The following CDH13 variants were observed in gnomAD, a reference collection of about 807,000 sequenced individuals.
CDH13 encodes cadherin 13.
Under a neutral mutation model 63.8 loss-of-function variants are expected in CDH13, and 24 were observed. The observed-to-expected ratio is 0.38, with a 90% CI of 0.27 to 0.53. The LOEUF (loss-of-function observed/expected upper bound fraction) is 0.53. CDH13 is among the 20% of genes least tolerant of loss of function. The pLI is 0.85. For synonymous variants in CDH13, 503 were observed against 355.3 expected, an observed-to-expected ratio of 1.42 and a Z score of -4.67; for missense variants, 1,049 against 903.1, an observed-to-expected ratio of 1.16 and a Z score of -2.07.
chr16:83,231,104 A>G (rs2039988833), intron 5 of CDH13, among the ~76,000 whole-genome samples: 1 of 152,222 alleles, frequency 6.6e-6, no homozygotes, highest in African/African-American at 2.4e-5. Context: ...GGGAAGACAC[A>G]TGGAAATGAA....
chr16:83,090,984 T>C (rs2033878809), intron 3 of CDH13, among the ~76,000 whole-genome samples: 1 of 152,148 alleles, frequency 6.6e-6, no homozygotes, highest in Admixed American at 6.5e-5. Flanking sequence ...TATATAAACA[T>C]AATATATATG....
intron 2 of CDH13, among the ~76,000 whole-genome samples, chr16:82,959,879 A>T (rs1340114661): frequency 1.3e-5 from 2 of 151,970 alleles, no homozygotes; most frequent in African/African-American, 4.8e-5. Flanking sequence ...TTGTGTACAG[A>T]TTTTTCTTTT....
intron 10 of CDH13, among the ~76,000 whole-genome samples, chr16:83,686,944 C>T (rs1268903933): frequency 6.6e-6 from 1 of 152,142 alleles, no homozygotes; most frequent in Admixed American, 6.5e-5. Context: ...TGCGGTGGCT[C>T]ATGCTTTGTA....
intron 8 of CDH13, among the ~76,000 whole-genome samples, chr16:83,653,180 G>C (rs763633745): frequency 6.6e-6 from 1 of 152,122 alleles, no homozygotes; most frequent in Non-Finnish European, 1.5e-5. Flanking sequence ...TGCTCCTGGG[G>C]GTGGGGCTTC....
intron 5 of CDH13, among the ~76,000 whole-genome samples, chr16:83,272,588 A>G (rs997889386): frequency 1.3e-5 from 2 of 152,022 alleles, no homozygotes; most frequent in Non-Finnish European, 2.9e-5. Context: ...AATTTTTTCC[A>G]CTCCTTACTG....
At position 83,743,748 on chromosome 16, in the gene CDH13, C is replaced by CTTTTTTTT. The variant is rs67886035; in HGVS notation, c.1539-4348_1539-4341dup. Among the ~76,000 whole-genome samples the CTTTTTTTT allele has an allele frequency of 6.2e-4, 47 of 76,258 alleles. 7 individuals are homozygous for CTTTTTTTT. The highest frequency in any genetic ancestry group is 1.0e-3 in the African/African-American group (19 of 18,162). 50.0% of individuals were successfully genotyped at this position (76,258 alleles called of 152,430 possible). ...TGATGAGTTGCCTTTTTTCTTTTTT[C>CTTTTTTTT]TTTTTTTTTTTTTTTTTTTCTTTGC... On this transcript the variant is annotated intron_variant, in intron 10 of 13. Transcript: ENST00000567109.
chr16:83,672,329 A>T (rs1164275537), intron 9 of CDH13, among the ~76,000 whole-genome samples: 1 of 145,004 alleles, frequency 6.9e-6, no homozygotes, highest in Non-Finnish European at 1.5e-5. Flanking sequence ...TCTAGTGAGG[A>T]CCCACTTTTT....
chr16:82,646,715 A>G (rs1910138426), intron 1 of CDH13, among the ~76,000 whole-genome samples: 1 of 152,196 alleles, frequency 6.6e-6, no homozygotes, highest in South Asian at 2.1e-4. Flanking sequence ...GAGAAAACTG[A>G]GTCAGAGGAA....
intron 8 of CDH13, among the ~76,000 whole-genome samples, chr16:83,667,011 ATGGATGGATGGATGGATGGG>A (rs1159187413): frequency 6.3e-5 from 8 of 126,358 alleles, no homozygotes; most frequent in Non-Finnish European, 1.1e-4. Context: ...GGATGGATGG[ATGGATGGATGGATGGATGGG>A]TGGATGGATG....
chr16:83,018,962 T>C (rs1915078833), intron 2 of CDH13, among the ~76,000 whole-genome samples: 2 of 152,086 alleles, frequency 1.3e-5, no homozygotes. Flanking sequence ...TCTGGGTGAG[T>C]CAGTGAGTGA....
In CDH13 at chr16:82,963,914, T is replaced by C. The variant is rs527494594; in HGVS notation, c.158-68096T>C. The stretch of plus-strand genomic sequence containing the variant: ...GGTCGGAGAATAGAGACCCCCAGCC[T>C]GCTCTCACAGTTGGACTCAGCAGTG... On this transcript the variant is annotated intron_variant, in intron 2 of 13. Transcript: ENST00000567109. Among the ~76,000 whole-genome samples the C allele has an allele frequency of 5.9e-5, 9 of 152,316 alleles. No individual in the cohort carries two copies. In the East Asian group the frequency reaches 1.7e-3, roughly 29 times the overall value.
chr16:82,983,321 C>T (rs8063818), intron 2 of CDH13, among the ~76,000 whole-genome samples: 7,500 of 152,230 alleles, frequency 0.049, 405 homozygotes, highest in African/African-American at 0.13. Context: ...CTCCCAGCTT[C>T]GTCCCCATTT....
At chr16:82,648,550 T>C (rs553427953) in intron 1 of CDH13, among the ~76,000 whole-genome samples, 2 of 152,038 alleles carry the variant, frequency 1.3e-5, no homozygotes, top group East Asian at 1.9e-4. Flanking sequence ...AAACAGGAGA[T>C]TGTGTGTGCA....
At chr16:83,176,864 C>T (rs1012496512) in intron 4 of CDH13, among the ~76,000 whole-genome samples, 1 of 152,094 alleles carries the variant, frequency 6.6e-6, no homozygotes, top group Non-Finnish European at 1.5e-5. Context: ...TCTGAGCGAG[C>T]CCTTAGTTAC....
chr16:83,583,417 G>T (rs1025602425), intron 7 of CDH13, among the ~76,000 whole-genome samples: 3 of 152,204 alleles, frequency 2.0e-5, no homozygotes, highest in African/African-American at 7.2e-5. Context: ...TAGTTCCTTT[G>T]ATTTTAAAGC....
chr16:82,927,217 G>A (rs2042332469), intron 2 of CDH13, among the ~76,000 whole-genome samples: 1 of 152,132 alleles, frequency 6.6e-6, no homozygotes, highest in African/African-American at 2.4e-5. Context: ...TTTTATGACT[G>A]AGGCTTGACT....
At chr16:83,572,969 G>A (rs958095282) in intron 7 of CDH13, among the ~76,000 whole-genome samples, 4 of 152,166 alleles carry the variant, frequency 2.6e-5, no homozygotes, top group Admixed American at 6.5e-5. Context: ...AGTACTTACA[G>A]CGAGCACAGG....
At chr16:82,705,186 G>A (rs190571553) in intron 1 of CDH13, 1 of 455,850 alleles carries the variant, frequency 2.2e-6, no homozygotes, top group African/African-American at 2.0e-5. Context: ...TTGCTTCCAG[G>A]ACTATTATTT....
In CDH13 at chr16:82,693,591, T is replaced by A. The variant is rs112924715; in HGVS notation, c.45+66454T>A. ...TAAACCCTGTATAAGAACCTCCAAG[T>A]AGACACTTATGCAAACATGCCAAGA... is the stretch of plus-strand genomic sequence containing the variant. On this transcript the variant is annotated intron_variant, in intron 1 of 13. Transcript: ENST00000567109. Among the ~76,000 whole-genome samples, 293 of 152,324 alleles carry A rather than the reference T, an allele frequency of 1.9e-3. 1 individual carries two copies. Among genetic ancestry groups the A allele is most frequent in the African/African-American group, 4.8e-3 (201 of 41,576 alleles).
Sources: gnomAD v4.1 joint callset for allele counts (sites outside exome capture counted in the v4.1 genomes callset) on GRCh38, gnomAD v4.1.1 for gene constraint, MANE v1.5 for transcripts, NCBI Gene and HGNC (gene_info 2026-07-23, HGNC 2026-07-21) for gene names.